FOXP2: variants seen among roughly 807,000 people sequenced by gnomAD.
FOXP2 encodes forkhead box P2.
Under a neutral mutation model 115.8 loss-of-function variants are expected in FOXP2, and 12 were observed. The observed-to-expected ratio is 0.10, with a 90% CI of 0.07 to 0.17. The LOEUF is 0.17. Among genes scored for constraint, FOXP2 ranks in the 10% least tolerant of loss-of-function variants. FOXP2 has a pLI of 1.00. For missense variants in FOXP2, 629 were observed against 843.5 expected, an observed-to-expected ratio of 0.75 and a Z score of 3.15; for synonymous variants, 328 against 297.7, an observed-to-expected ratio of 1.10 and a Z score of -1.05.
intron 3 of FOXP2, among the ~76,000 whole-genome samples, chr7:114,571,372 G>A (rs1388201094): frequency 6.6e-6 from 1 of 151,772 alleles, no homozygotes. Flanking sequence ...TGCTTATGTG[G>A]CCCAATTCAC....
At chr7:114,131,739 C>T (rs185050965) in intron 1 of FOXP2, among the ~76,000 whole-genome samples, 1 of 152,216 alleles carries the variant, frequency 6.6e-6, no homozygotes, top group Admixed American at 6.5e-5. Context: ...TATCCACATA[C>T]ACATTCTCAT....
chr7:114,600,270 C>T (rs962847951), intron 3 of FOXP2, among the ~76,000 whole-genome samples: 1 of 152,136 alleles, frequency 6.6e-6, no homozygotes, highest in Non-Finnish European at 1.5e-5. Context: ...TGGAATCATA[C>T]AATATGCAGC....
At chr7:114,126,197 G>GA (rs946516242) in intron 1 of FOXP2, among the ~76,000 whole-genome samples, 13 of 126,048 alleles carry the variant, frequency 1.0e-4, no homozygotes, top group Non-Finnish European at 1.3e-4. Context: ...TGGGCTTCAG[G>GA]AAAAAAATTA....
rs181234336 is a variant in FOXP2 at position 114,472,345 on chromosome 7, C to A, written c.168+45666C>A. Among the ~76,000 whole-genome samples the A allele has an allele frequency of 1.6e-3, 226 of 137,806 alleles. 2 individuals are homozygous for A. In the East Asian group the frequency reaches 0.044, roughly 27 times the overall value. 90.4% of individuals were successfully genotyped at this position (137,806 alleles called of 152,430 possible). A position where few individuals can be genotyped will look rare whatever the true frequency, so the allele number is the denominator to read the frequency against. ...TTATTGGCCTCCTGTTTTATAAATT[C>A]TTTTTTTTTTTTTTTTGAGACAGAG... On this transcript the variant is annotated intron_variant, in intron 2 of 16. Transcript: ENST00000350908.
chr7:114,301,857 A>G (rs1017781961), intron 2 of FOXP2, among the ~76,000 whole-genome samples: 7 of 152,108 alleles, frequency 4.6e-5, no homozygotes, highest in Non-Finnish European at 1.0e-4. Context: ...TGACTTCCAG[A>G]ACTTGGCATT....
chr7:114,105,757 G>A (rs988465996), intron 1 of FOXP2, among the ~76,000 whole-genome samples: 1 of 151,970 alleles, frequency 6.6e-6, no homozygotes, highest in African/African-American at 2.4e-5. Flanking sequence ...TTATAAGATG[G>A]CTGACGAGAC....
At chr7:114,325,547 T>C (rs1797535291) in intron 2 of FOXP2, among the ~76,000 whole-genome samples, 1 of 152,002 alleles carries the variant, frequency 6.6e-6, no homozygotes. Context: ...TCTCAGTATA[T>C]ATCTGTAAAC....
chr7:114,417,882 C>CACGAACTG (rs2129201060), intron 1 of FOXP2, among the ~76,000 whole-genome samples: 1 of 151,944 alleles, frequency 6.6e-6, no homozygotes, highest in South Asian at 2.1e-4. Flanking sequence ...GGAAATGATA[C>CACGAACTG]TATGAAAGAA....
chr7:114,530,748 T>G (rs189709836), intron 2 of FOXP2, among the ~76,000 whole-genome samples: 24 of 151,984 alleles, frequency 1.6e-4, no homozygotes, highest in Admixed American at 2.6e-4. Context: ...ATAACTAGCA[T>G]AAAATTACTA....
chr7:114,473,427 G>C (rs1796130233), intron 2 of FOXP2, among the ~76,000 whole-genome samples: 1 of 152,164 alleles, frequency 6.6e-6, no homozygotes, highest in East Asian at 1.9e-4. Context: ...GGAATCAGGG[G>C]TCTGCTTATT....
intron 2 of FOXP2, among the ~76,000 whole-genome samples, chr7:114,472,879 G>GA: frequency 6.6e-6 from 1 of 152,124 alleles, no homozygotes; most frequent in Non-Finnish European, 1.5e-5. Context: ...CTGTCTAGAG[G>GA]AAAAAATATT....
At chr7:114,681,991 T>A (rs1808108485) in intron 16 of FOXP2, among the ~76,000 whole-genome samples, 1 of 152,212 alleles carries the variant, frequency 6.6e-6, no homozygotes, top group Non-Finnish European at 1.5e-5. Flanking sequence ...GTTATAAGGT[T>A]ATTATATATT....
At chr7:114,518,887 T>C (rs1023574855) in intron 2 of FOXP2, among the ~76,000 whole-genome samples, 5 of 152,172 alleles carry the variant, frequency 3.3e-5, no homozygotes, top group Admixed American at 2.6e-4. Context: ...TAAGTAGACA[T>C]AGAAATGACA....
intron 2 of FOXP2, among the ~76,000 whole-genome samples, chr7:114,436,009 A>G (rs1295151776): frequency 6.6e-6 from 1 of 152,162 alleles, no homozygotes; most frequent in East Asian, 1.9e-4. Context: ...TGCAAACTCA[A>G]TAATACGTGT....
intron 1 of FOXP2, among the ~76,000 whole-genome samples, chr7:114,284,073 A>G (rs1176127274): frequency 6.6e-6 from 1 of 152,160 alleles, no homozygotes; most frequent in Non-Finnish European, 1.5e-5. Context: ...ATGGTCTGGG[A>G]ATGTCTGAGT....
At chr7:114,135,417 G>C (rs1027377555) in intron 1 of FOXP2, among the ~76,000 whole-genome samples, 2 of 152,040 alleles carry the variant, frequency 1.3e-5, no homozygotes, top group African/African-American at 4.8e-5. Context: ...CATTGCTGTT[G>C]GCTGTGTAAG....
Position 114,205,855 on chromosome 7 carries a change from A to G in FOXP2, c.-102+42767A>G, listed in dbSNP as rs565694551. On this transcript the variant is annotated intron_variant, in intron 1 of 17. Coordinates refer to the FOXP2 transcript ENST00000634411. ...GGCTATTCTAGAAAGTCTCTCTTCA[A>G]CTTAGTAGCTGGAAAGATAAGTCCT... 3.3e-5 allele frequency among the ~76,000 whole-genome samples: 5 copies of G among 152,278 alleles called. No individual in the cohort carries two copies. The East Asian group carries it at 9.7e-4, about 29-fold the overall frequency.
At chr7:114,598,154 TC>T (rs987518696) in intron 3 of FOXP2, among the ~76,000 whole-genome samples, 35 of 152,172 alleles carry the variant, frequency 2.3e-4, no homozygotes, top group Middle Eastern at 3.4e-3. Context: ...GTGGCCAAGA[TC>T]CCTAAGAAAA....
At chr7:114,309,841 T>C (rs539287597) in intron 2 of FOXP2, among the ~76,000 whole-genome samples, 1 of 151,886 alleles carries the variant, frequency 6.6e-6, no homozygotes, top group African/African-American at 2.4e-5. Context: ...TTTTTTTTTT[T>C]TTTTTTAGAT....
Sources: gnomAD v4.1 joint callset for allele counts (sites outside exome capture counted in the v4.1 genomes callset) on GRCh38, gnomAD v4.1.1 for gene constraint, MANE v1.5 for transcripts, NCBI Gene and HGNC (gene_info 2026-07-23, HGNC 2026-07-21) for gene names.